NFIX: variants seen among roughly 807,000 people sequenced by gnomAD.
NFIX encodes the protein nuclear factor I X.
In NFIX, 2 loss-of-function variants were observed where a neutral mutation model predicts 53.3. The ratio of observed to expected loss-of-function variants is 0.04; its 90% CI spans 0.02 to 0.12. The LOEUF (loss-of-function observed/expected upper bound fraction) is 0.12. Ranked by LOEUF, NFIX falls within the 10% of genes least tolerant of loss-of-function variation. The probability of loss-of-function intolerance (pLI) is 1.00; values close to 1 mark genes in which losing one functional copy is unlikely to be tolerated. For missense variants in NFIX, 310 were observed against 674.5 expected, an observed-to-expected ratio of 0.46 and a Z score of 5.99; for synonymous variants, 244 against 289.0, an observed-to-expected ratio of 0.84 and a Z score of 1.58.
chr19:13,044,895 A>G (rs10419350), intron 2 of NFIX, among the ~76,000 whole-genome samples: 15,971 of 152,192 alleles, frequency 0.1, 1,600 homozygotes, highest in African/African-American at 0.26. Context: ...TATGGCACAA[A>G]GACAACAACC....
intron 1 of NFIX, among the ~76,000 whole-genome samples, chr19:12,999,880 T>A (rs898796114): frequency 2.2e-4 from 33 of 152,234 alleles, no homozygotes; most frequent in Admixed American, 5.2e-4. Flanking sequence ...TGGCATTTTC[T>A]CTCCGGCTCT....
intron 1 of NFIX, among the ~76,000 whole-genome samples, chr19:12,997,332 G>T (rs1174446258): frequency 6.6e-6 from 1 of 152,242 alleles, no homozygotes; most frequent in Non-Finnish European, 1.5e-5. Context: ...CCGGCCATGG[G>T]CAGGCCTGCG....
In NFIX at chr19:12,995,775, C is replaced by T; in HGVS notation, c.-63C>T. On this transcript the variant is annotated 5_prime_UTR_variant, in exon 1 of 11. Transcript: ENST00000592199. ...GCCGGAGCCCGAGCCCGAGCGCGGCCGCCGCCTGCCGGGCCTCCCCTCGCC... is the reference window on the plus strand; with the variant it reads ...GCCGGAGCCCGAGCCCGAGCGCGGCTGCCGCCTGCCGGGCCTCCCCTCGCC... The T allele has an allele frequency of 2.5e-6, 2 of 791,748 alleles. No individual in the cohort carries two copies. The highest frequency in any genetic ancestry group is 1.5e-6 in the Non-Finnish European group (1 of 656,614). The allele number at this position is 791,748 out of a possible 1,614,324, so 49.0% of individuals were successfully genotyped here. A position where few individuals can be genotyped will look rare whatever the true frequency, so the allele number is the denominator to read the frequency against.
chr19:13,040,779 C>T lies in NFIX; in HGVS notation c.559+15227C>T, dbSNP rs1216149872. ...TCTTTCACACACTCGCGCACACACA[C>T]AGCCACTTCTCGAAGCAGATCTTAA... On this transcript the variant is annotated intron_variant, in intron 2 of 10. Coordinates refer to ENST00000592199, the MANE Select transcript of NFIX (RefSeq NM_001365902.3). This position sits in a 1 kb window ranked among gnomAD's most constrained non-coding sequence, Gnocchi z 4.2. 6.6e-6 allele frequency among the ~76,000 whole-genome samples: 1 copy of T among 152,216 alleles called. No individual in the cohort carries two copies. The highest frequency in any genetic ancestry group is 2.4e-5 in the African/African-American group (1 of 41,448).
chr19:13,058,887 TC>T (rs1387909488), intron 2 of NFIX, among the ~76,000 whole-genome samples: 1 of 151,752 alleles, frequency 6.6e-6, no homozygotes, highest in Non-Finnish European at 1.5e-5. Flanking sequence ...ACAGCCCCAA[TC>T]CCCAGGGTGT....
chr19:13,061,244 G>C (rs1455040298), intron 2 of NFIX, among the ~76,000 whole-genome samples: 1 of 152,176 alleles, frequency 6.6e-6, no homozygotes, highest in Admixed American at 6.5e-5. Flanking sequence ...CCATTTCGCA[G>C]TCCCCTTTCC....
Position 13,072,573 on chromosome 19 carries a change from C to T in NFIX, c.560-474C>T, listed in dbSNP as rs185636631. Reference sequence around the variant, plus strand: ...GGGATGGGGGACCCTTGGGTCTGTCCCCGCTGTGGAGAGAGATGGTCTCTG... The same window carrying T: ...GGGATGGGGGACCCTTGGGTCTGTCTCCGCTGTGGAGAGAGATGGTCTCTG... On this transcript the variant is annotated intron_variant, in intron 2 of 10. Transcript: ENST00000592199. The surrounding 1 kb of genome is among the most constrained non-coding windows in gnomAD (Gnocchi z 4.0). Among the ~76,000 whole-genome samples the T allele has an allele frequency of 6.6e-6, 1 of 152,370 alleles. No homozygotes were observed. Among genetic ancestry groups the T allele is most frequent in the Admixed American group, 6.5e-5 (1 of 15,310 alleles).
At chr19:13,008,759 C>A (rs2012163410) in intron 1 of NFIX, among the ~76,000 whole-genome samples, 1 of 152,166 alleles carries the variant, frequency 6.6e-6, no homozygotes, top group Non-Finnish European at 1.5e-5. Context: ...TTTGGCCCCC[C>A]TCCAAACCCC....
rs2011975033 is a variant in NFIX at position 13,005,673 on chromosome 19, A to C, written c.27+9809A>C. On this transcript the variant is annotated intron_variant, in intron 1 of 10. Coordinates refer to ENST00000592199, the MANE Select transcript of NFIX (RefSeq NM_001365902.3). This position sits in a 1 kb window ranked among gnomAD's most constrained non-coding sequence, Gnocchi z 4.7. Reference sequence around the variant, plus strand: ...TTTCTTCAAGATCGTCACCACCCTAAATCCTGCCGATGGGACAAAATTGCA... The same window carrying C: ...TTTCTTCAAGATCGTCACCACCCTACATCCTGCCGATGGGACAAAATTGCA... Among the ~76,000 whole-genome samples the C allele has an allele frequency of 6.6e-6, 1 of 152,164 alleles. No homozygotes were observed. The highest frequency in any genetic ancestry group is 1.5e-5 in the Non-Finnish European group (1 of 68,032).
rs1361675885 is a variant in NFIX, at chr19:13,002,186, T to C, written c.27+6322T>C. ...GGATTTGGAAACTGAGGTCCCCCCTTCTTTCCCCCTTTCTCTCTCTCTCTT... is the reference window on the plus strand; with the variant it reads ...GGATTTGGAAACTGAGGTCCCCCCTCCTTTCCCCCTTTCTCTCTCTCTCTT... On this transcript the variant is annotated intron_variant, in intron 1 of 10. Coordinates refer to ENST00000592199, the MANE Select transcript of NFIX (RefSeq NM_001365902.3). The surrounding 1 kb of genome is among the most constrained non-coding windows in gnomAD (Gnocchi z 6.1). Among the ~76,000 whole-genome samples, 2 of 142,380 alleles carry C rather than the reference T, an allele frequency of 1.4e-5. No individual in the cohort carries two copies. 93.4% of individuals were successfully genotyped at this position (142,380 alleles called of 152,430 possible). A position where few individuals can be genotyped will look rare whatever the true frequency, so the allele number is the denominator to read the frequency against.
intron 2 of NFIX, among the ~76,000 whole-genome samples, chr19:13,026,271 G>A (rs1296337821): frequency 6.6e-6 from 1 of 152,038 alleles, no homozygotes; most frequent in Non-Finnish European, 1.5e-5. Flanking sequence ...GCCTCAGGAT[G>A]GATGCCCACA....
chr19:13,056,634 TAC>T (rs928836575), intron 2 of NFIX, among the ~76,000 whole-genome samples: 17 of 152,258 alleles, frequency 1.1e-4, no homozygotes, highest in Non-Finnish European at 2.2e-4. Flanking sequence ...GCCCAGTGCC[TAC>T]ACCCGAGGCC....
Position 13,012,424 on chromosome 19 carries a change from C to T in NFIX, c.28-12597C>T. Among the ~76,000 whole-genome samples the T allele has an allele frequency of 6.6e-6, 1 of 152,328 alleles. No homozygotes were observed. Among genetic ancestry groups the T allele is most frequent in the East Asian group, 1.9e-4 (1 of 5,174 alleles). On this transcript the variant is annotated intron_variant, in intron 1 of 10. Coordinates refer to ENST00000592199, the MANE Select transcript of NFIX (RefSeq NM_001365902.3). This position sits in a 1 kb window ranked among gnomAD's most constrained non-coding sequence, Gnocchi z 5.0. ...AGCGCGGCTCCCTCTTGCCGGGGCG[C>T]GGCCTGCCCCTCACAGTGACCCCCC...
In NFIX at chr19:13,002,802, G is replaced by A. The variant is rs1466537980; in HGVS notation, c.27+6938G>A. The stretch of plus-strand genomic sequence containing the variant: ...TCCCCCCACTGGGCCCCACCCTGAG[G>A]GGAGCCGGGGGTGGTGGCCAGCAGT... On this transcript the variant is annotated intron_variant, in intron 1 of 10. Transcript: ENST00000592199. The surrounding 1 kb of genome is among the most constrained non-coding windows in gnomAD (Gnocchi z 6.1). Among the ~76,000 whole-genome samples the A allele has an allele frequency of 1.3e-5, 2 of 152,174 alleles. No homozygotes were observed. Among genetic ancestry groups the A allele is most frequent in the East Asian group, 3.9e-4 (2 of 5,190 alleles).
In NFIX at chr19:13,043,189, A is replaced by G. The variant is rs1396546535; in HGVS notation, c.559+17637A>G. ...GTGTTACCCAGTGTAAAAGCTAATC[A>G]TGGACATCAGCCCACATTCTCACAC... On this transcript the variant is annotated intron_variant, in intron 2 of 10. Coordinates refer to ENST00000592199, the MANE Select transcript of NFIX (RefSeq NM_001365902.3). This position sits in a 1 kb window ranked among gnomAD's most constrained non-coding sequence, Gnocchi z 4.0. Among the ~76,000 whole-genome samples, 1 of 152,206 alleles carries G rather than the reference A, an allele frequency of 6.6e-6. No individual in the cohort carries two copies. Among genetic ancestry groups the G allele is most frequent in the Non-Finnish European group, 1.5e-5 (1 of 68,028 alleles).
chr19:13,036,643 C>T lies in NFIX; in HGVS notation c.559+11091C>T, dbSNP rs2014217091. On this transcript the variant is annotated intron_variant, in intron 2 of 10. Transcript: ENST00000592199. The surrounding 1 kb of genome is among the most constrained non-coding windows in gnomAD (Gnocchi z 4.7). Reference sequence around the variant, plus strand: ...TTATTATGCCTGCAGATTATATCCCCATTAGCGCATAATTATTATATAATG... The same window carrying T: ...TTATTATGCCTGCAGATTATATCCCTATTAGCGCATAATTATTATATAATG... Among the ~76,000 whole-genome samples, 1 of 152,142 alleles carries T rather than the reference C, an allele frequency of 6.6e-6. No individual in the cohort carries two copies. Among genetic ancestry groups the T allele is most frequent in the Admixed American group, 6.5e-5 (1 of 15,282 alleles).
rs1325718451 is a variant in NFIX at position 13,067,187 on chromosome 19, C to T, written c.560-5860C>T. 6.6e-6 allele frequency among the ~76,000 whole-genome samples: 1 copy of T among 152,126 alleles called. No individual in the cohort carries two copies. Among genetic ancestry groups the T allele is most frequent in the Non-Finnish European group, 1.5e-5 (1 of 68,022 alleles). On this transcript the variant is annotated intron_variant, in intron 2 of 10. Coordinates refer to ENST00000592199, the MANE Select transcript of NFIX (RefSeq NM_001365902.3). The surrounding 1 kb of genome is among the most constrained non-coding windows in gnomAD (Gnocchi z 4.2). ...AGTGCTGGGAGGGCCAGTGATTGGC[C>T]CCAGAATCGCATCAGCCCTTCAGAG...
chr19:13,081,993 A>G lies in NFIX; in HGVS notation c.1254+138A>G. 1.1e-6 allele frequency: 1 copy of G among 949,146 alleles called. No individual in the cohort carries two copies. The allele number at this position is 949,146 out of a possible 1,614,324, so 58.8% of individuals were successfully genotyped here. A position where few individuals can be genotyped will look rare whatever the true frequency, so the allele number is the denominator to read the frequency against. On this transcript the variant is annotated intron_variant, in intron 8 of 10. Coordinates refer to ENST00000592199, the MANE Select transcript of NFIX (RefSeq NM_001365902.3). The surrounding 1 kb of genome is among the most constrained non-coding windows in gnomAD (Gnocchi z 4.7). ...AGCAGCAGGGAGCTGGTAGTACCAA[A>G]CGCCTCGATTTTCTGGGTCTGGGGA...
intron 2 of NFIX, among the ~76,000 whole-genome samples, chr19:13,050,665 A>G (rs1250591527): frequency 1.3e-5 from 2 of 152,144 alleles, no homozygotes; most frequent in Non-Finnish European, 2.9e-5. Context: ...AAATGAATAT[A>G]GAATCAAGGT....
Sources: gnomAD v4.1 joint callset for allele counts (sites outside exome capture counted in the v4.1 genomes callset) on GRCh38, gnomAD v4.1.1 for gene constraint, Gnocchi (gnomAD v3.1) non-coding constraint, MANE v1.5 for transcripts, NCBI Gene and HGNC (gene_info 2026-07-23, HGNC 2026-07-21) for gene names.